The following EPHA6 variants were observed in gnomAD, a reference collection of about 807,000 sequenced individuals.
The protein encoded by EPHA6 is ephrin type-A receptor 6.
Under a neutral mutation model 112.0 loss-of-function variants are expected in EPHA6, and 50 were observed. That is an observed-to-expected ratio of 0.45 (90% CI 0.36 to 0.56). EPHA6 has a LOEUF of 0.56. EPHA6 is among the 20% of genes least tolerant of loss of function. The pLI, the probability that EPHA6 is intolerant of heterozygous loss-of-function variation, is 0.00. For missense variants in EPHA6, 1,280 were observed against 1,417.4 expected (o/e 0.90, Z 1.56); for synonymous variants, 529 against 490.7 (o/e 1.08, Z -1.03).
At chr3:96,903,726 T>C (rs1016455990) in intron 2 of EPHA6, among the ~76,000 whole-genome samples, 4 of 152,046 alleles carry the variant, frequency 2.6e-5, no homozygotes, top group South Asian at 2.1e-4. Flanking sequence ...AGGGCTAATA[T>C]CCAGAATCTA....
At chr3:97,501,757 GC>G (rs1320091581) in intron 10 of EPHA6, among the ~76,000 whole-genome samples, 42 of 151,966 alleles carry the variant, frequency 2.8e-4, no homozygotes, top group African/African-American at 9.9e-4. Context: ...ATATTAAAGA[GC>G]TAAGAATCCA....
chr3:97,481,251 C>G lies in EPHA6; in HGVS notation c.2074+1887C>G, dbSNP rs2091534594. 5 of 1,445,652 alleles carry G rather than the reference C, an allele frequency of 3.5e-6. No homozygotes were observed. The South Asian group carries it at 4.6e-5, about 13-fold the overall frequency. The allele number at this position is 1,445,652 out of a possible 1,614,324, so 89.6% of individuals were successfully genotyped here. On this transcript the variant is annotated intron_variant, in intron 9 of 17. Transcript: ENST00000389672. The stretch of plus-strand genomic sequence containing the variant: ...ACTATTTGGACTTTTAGATCACGTA[C>G]ATAACCAGGAATTGAATAAATAATG...
At position 97,198,277 on chromosome 3, in the gene EPHA6, G is replaced by T. The variant is rs779844303; in HGVS notation, c.1115-27987G>T. On this transcript the variant is annotated intron_variant, in intron 3 of 17. Coordinates refer to ENST00000389672, the MANE Select transcript of EPHA6 (RefSeq NM_001080448.3). ...CTGCTCACCAAAAGGCACTTTTAAG[G>T]CATTGTGGTATTTGAAAACATCACT... is the stretch of plus-strand genomic sequence containing the variant. Among the ~76,000 whole-genome samples the T allele has an allele frequency of 6.6e-5, 10 of 152,144 alleles. No homozygotes were observed. The South Asian group carries it at 1.7e-3, about 25-fold the overall frequency.
intron 3 of EPHA6, among the ~76,000 whole-genome samples, chr3:97,213,516 C>T (rs1199847168): frequency 6.6e-6 from 1 of 152,118 alleles, no homozygotes; most frequent in Non-Finnish European, 1.5e-5. Flanking sequence ...GTTCTGATTC[C>T]CACTCCTAAA....
At chr3:96,894,962 A>T (rs1228884919) in intron 2 of EPHA6, among the ~76,000 whole-genome samples, 1 of 152,214 alleles carries the variant, frequency 6.6e-6, no homozygotes, top group Non-Finnish European at 1.5e-5. Flanking sequence ...TCATTAATAG[A>T]GAAGAATGTT....
At chr3:97,501,900 G>A (rs2092127425) in intron 10 of EPHA6, among the ~76,000 whole-genome samples, 1 of 151,986 alleles carries the variant, frequency 6.6e-6, no homozygotes. Context: ...CAAATTCTGA[G>A]AGAGATGAGA....
chr3:97,214,592 C>T (rs2077980874), intron 3 of EPHA6, among the ~76,000 whole-genome samples: 1 of 151,598 alleles, frequency 6.6e-6, no homozygotes, highest in African/African-American at 2.4e-5. Context: ...TGATTTTTGC[C>T]ATATGTATAA....
intron 2 of EPHA6, among the ~76,000 whole-genome samples, chr3:96,936,273 A>G (rs1340880002): frequency 2.6e-5 from 4 of 152,084 alleles, no homozygotes; most frequent in African/African-American, 9.7e-5. Context: ...TATTTCTTAA[A>G]TGTTTTTTAA....
intron 3 of EPHA6, among the ~76,000 whole-genome samples, chr3:97,018,833 C>T (rs1262243223): frequency 6.6e-6 from 1 of 152,172 alleles, no homozygotes; most frequent in Non-Finnish European, 1.5e-5. Flanking sequence ...CTTTCCCGGT[C>T]TGCTAAGTAG....
intron 11 of EPHA6, among the ~76,000 whole-genome samples, chr3:97,543,248 A>G (rs933628921): frequency 1.3e-5 from 2 of 152,156 alleles, no homozygotes; most frequent in African/African-American, 2.4e-5. Flanking sequence ...TAAGCCTTTA[A>G]TCCATCTTGA....
intron 7 of EPHA6, among the ~76,000 whole-genome samples, chr3:97,462,820 C>A (rs2107395090): frequency 6.6e-6 from 1 of 152,132 alleles, no homozygotes; most frequent in African/African-American, 2.4e-5. Flanking sequence ...CTAACTTATT[C>A]CAAGTTATCT....
chr3:97,365,443 T>C (rs1404547878), intron 5 of EPHA6, among the ~76,000 whole-genome samples: 1 of 151,748 alleles, frequency 6.6e-6, no homozygotes, highest in Non-Finnish European at 1.5e-5. Context: ...CAGGCTGGAG[T>C]GCTATGGCGT....
chr3:97,624,568 G>T (rs1252042098), intron 13 of EPHA6, among the ~76,000 whole-genome samples: 2 of 151,586 alleles, frequency 1.3e-5, no homozygotes, highest in South Asian at 2.1e-4. Flanking sequence ...TTCATGGAAT[G>T]AATCAAAATG....
chr3:97,654,079 A>G (rs566853793), intron 14 of EPHA6, among the ~76,000 whole-genome samples: 3 of 151,930 alleles, frequency 2.0e-5, no homozygotes, highest in Admixed American at 6.6e-5. Flanking sequence ...ATTTAACAAT[A>G]CTATATTGTA....
At chr3:97,449,031 A>G (rs2090441210) in intron 7 of EPHA6, among the ~76,000 whole-genome samples, 1 of 152,170 alleles carries the variant, frequency 6.6e-6, no homozygotes, top group Non-Finnish European at 1.5e-5. Context: ...GATCCTAATG[A>G]AAACTTGGGA....
At chr3:97,214,256 C>A (rs1389414619) in intron 3 of EPHA6, among the ~76,000 whole-genome samples, 1 of 152,012 alleles carries the variant, frequency 6.6e-6, no homozygotes, top group Non-Finnish European at 1.5e-5. Context: ...CCAGGCTGGT[C>A]TCAAACTCCA....
intron 5 of EPHA6, among the ~76,000 whole-genome samples, chr3:97,333,762 A>T (rs1050945212): frequency 6.6e-6 from 1 of 151,774 alleles, no homozygotes; most frequent in Non-Finnish European, 1.5e-5. Flanking sequence ...TACAGGCTTG[A>T]CCTATCGTGC....
intron 12 of EPHA6, among the ~76,000 whole-genome samples, chr3:97,596,170 G>T (rs1165926140): frequency 6.6e-6 from 1 of 152,114 alleles, no homozygotes; most frequent in Non-Finnish European, 1.5e-5. Flanking sequence ...CTCCCAAAGT[G>T]CTGGGATTAC....
At chr3:96,953,081 C>T (rs1253793843) in intron 2 of EPHA6, among the ~76,000 whole-genome samples, 2 of 151,966 alleles carry the variant, frequency 1.3e-5, no homozygotes, top group African/African-American at 4.8e-5. Flanking sequence ...TATTTGAATT[C>T]AAGATTTCCT....
Sources: allele counts gnomAD v4.1 joint callset (sites outside exome capture counted in the v4.1 genomes callset), GRCh38; gene constraint gnomAD v4.1.1; transcripts MANE v1.5; gene names NCBI Gene and HGNC (gene_info 2026-07-23, HGNC 2026-07-21).